GLI2: variants seen among roughly 807,000 people sequenced by gnomAD.
The protein encoded by GLI2 is transcription activator GLI2.
Under a neutral mutation model 78.9 loss-of-function variants are expected in GLI2, and 22 were observed. The observed-to-expected ratio is 0.28, with a 90% CI of 0.20 to 0.40. GLI2 has a LOEUF of 0.40. GLI2 is among the 10% of genes least tolerant of loss of function. GLI2 has a pLI of 1.00. For missense variants in GLI2, 2,097 were observed against 2,213.2 expected (o/e 0.95, Z 1.05); for synonymous variants, 974 against 963.7 (o/e 1.01, Z -0.20).
chr2:120,907,222 G>A (rs140435006), intron 2 of GLI2, among the ~76,000 whole-genome samples: 1 of 152,268 alleles, frequency 6.6e-6, no homozygotes, highest in Admixed American at 6.5e-5. Flanking sequence ...CTTTGTGTGT[G>A]CCTTCTCAGC....
At chr2:120,939,449 G>T (rs1680351493) in intron 3 of GLI2, among the ~76,000 whole-genome samples, 1 of 152,134 alleles carries the variant, frequency 6.6e-6, no homozygotes, top group Non-Finnish European at 1.5e-5. Context: ...CATTCTTTGG[G>T]ATTCAGAGTT....
Position 120,990,221 on chromosome 2 carries a change from C to T in GLI2, c.4256C>T (p.Ala1419Val). The T allele has an allele frequency of 6.2e-7, 1 of 1,613,604 alleles. No individual in the cohort carries two copies. The highest frequency in any genetic ancestry group is 8.5e-7 in the Non-Finnish European group (1 of 1,180,028). ...SVPPQPPPQD[A>V]GGAPDHSMLY... ...CCTCCCCAGCCGCCTCCGCAGGACG[C>T]AGGTGGGGCCCCGGACCACAGCATG... is the stretch of plus-strand genomic sequence containing the variant. The change falls in exon 14 of 14, where the codon GCA becomes GTA. Residue 1419 changes from alanine (A) to valine (V), a missense_variant. Ala to Val is a moderately conservative substitution (Grantham distance 64). Transcript: ENST00000361492.
intron 2 of GLI2, among the ~76,000 whole-genome samples, chr2:120,815,918 G>A (rs1681357942): frequency 6.6e-6 from 1 of 152,202 alleles, no homozygotes; most frequent in African/African-American, 2.4e-5. Context: ...CCACCAGGAT[G>A]GTTAGAGTTC....
chr2:120,902,466 C>T (rs1192407830), intron 2 of GLI2, among the ~76,000 whole-genome samples: 1 of 152,132 alleles, frequency 6.6e-6, no homozygotes, highest in Admixed American at 6.5e-5. Flanking sequence ...TTCAGGAAGG[C>T]TTTGCAGGAG....
At chr2:120,820,403 C>G (rs1685707843) in intron 2 of GLI2, among the ~76,000 whole-genome samples, 1 of 152,208 alleles carries the variant, frequency 6.6e-6, no homozygotes, top group Non-Finnish European at 1.5e-5. Flanking sequence ...GGTTAAATCA[C>G]CAAGCCAGCT....
rs13382973 is a variant in GLI2 at position 120,931,464 on chromosome 2, G to A, written c.254+3998G>A. On this transcript the variant is annotated intron_variant, in intron 3 of 13. Coordinates refer to ENST00000361492, the MANE Select transcript of GLI2 (RefSeq NM_001374353.1). ...AAAGTAGTCATGTCTCTTAAGTCCC[G>A]TTTGCTGTAGAAGGAAACACTTAAC... Among the ~76,000 whole-genome samples the A allele has an allele frequency of 7.1e-3, 1,078 of 152,280 alleles. 10 individuals are homozygous for A. The highest frequency in any genetic ancestry group is 0.024 in the African/African-American group (988 of 41,544).
chr2:120,971,179 C>T (rs1481001878), intron 7 of GLI2, among the ~76,000 whole-genome samples: 1 of 152,234 alleles, frequency 6.6e-6, no homozygotes, highest in African/African-American at 2.4e-5. Flanking sequence ...CTCTTTCCCT[C>T]TCGCAGCCTG....
chr2:120,926,137 A>G (rs1412418332), intron 2 of GLI2, among the ~76,000 whole-genome samples: 2 of 146,046 alleles, frequency 1.4e-5, no homozygotes, highest in East Asian at 4.0e-4. Context: ...TTACTGCAAG[A>G]AAAAAAAAAA....
At chr2:120,921,563 A>C (rs1679381502) in intron 2 of GLI2, among the ~76,000 whole-genome samples, 2 of 152,048 alleles carry the variant, frequency 1.3e-5, no homozygotes, top group South Asian at 4.1e-4. Flanking sequence ...AGCTCCTCTA[A>C]TCCCTGTTGT....
At chr2:120,945,621 T>G (rs571892684) in intron 3 of GLI2, among the ~76,000 whole-genome samples, 1 of 152,252 alleles carries the variant, frequency 6.6e-6, no homozygotes, top group East Asian at 1.9e-4. Context: ...GGGACTCAAG[T>G]CAAGAAACTG....
At chr2:120,974,730 A>C (rs974523105) in intron 8 of GLI2, among the ~76,000 whole-genome samples, 5 of 152,206 alleles carry the variant, frequency 3.3e-5, no homozygotes, top group African/African-American at 1.2e-4. Flanking sequence ...TCTGACAAGG[A>C]GAGCTGTGGG....
intron 2 of GLI2, among the ~76,000 whole-genome samples, chr2:120,865,925 G>A (rs1017185656): frequency 6.6e-6 from 1 of 152,216 alleles, no homozygotes; most frequent in African/African-American, 2.4e-5. Flanking sequence ...GGAAGAGCAG[G>A]CCATTTCCAG....
chr2:120,906,033 G>A (rs1678514217), intron 2 of GLI2, among the ~76,000 whole-genome samples: 1 of 152,228 alleles, frequency 6.6e-6, no homozygotes, highest in Non-Finnish European at 1.5e-5. Flanking sequence ...TCGCCAAGAT[G>A]GCATGCCCTG....
chr2:120,910,637 G>T (rs1420540974), intron 2 of GLI2, among the ~76,000 whole-genome samples: 2 of 152,206 alleles, frequency 1.3e-5, no homozygotes, highest in Non-Finnish European at 2.9e-5. Context: ...TCCCACACGT[G>T]TTGCAGGGGC....
Position 120,964,214 on chromosome 2 carries a change from C to T in GLI2, c.644-4500C>T, listed in dbSNP as rs138619963. Among the ~76,000 whole-genome samples, 32 of 152,292 alleles carry T rather than the reference C, an allele frequency of 2.1e-4. No individual in the cohort carries two copies. In the East Asian group the frequency reaches 4.3e-3, roughly 20 times the overall value. ...AGGCATCCCAAGGGAGGTGATGACT[C>T]GGCTGAGGTCTGAGCAGGCAGAGGA... On this transcript the variant is annotated intron_variant, in intron 5 of 13. Coordinates refer to ENST00000361492, the MANE Select transcript of GLI2 (RefSeq NM_001374353.1).
chr2:120,883,921 C>T (rs1339559247), intron 2 of GLI2, among the ~76,000 whole-genome samples: 1 of 152,216 alleles, frequency 6.6e-6, no homozygotes, highest in Non-Finnish European at 1.5e-5. Context: ...TGTCTGTGCT[C>T]CAGACCCCCG....
intron 1 of GLI2, among the ~76,000 whole-genome samples, chr2:120,755,110 CA>C (rs1683002345): frequency 6.6e-6 from 1 of 152,206 alleles, no homozygotes; most frequent in Admixed American, 6.5e-5. Context: ...CTTGGCCTCC[CA>C]AAGTGCTGGG....
intron 8 of GLI2, 188 bp from the exon 9 acceptor site, chr2:120,974,786 GT>G: frequency 5.2e-6 from 4 of 764,638 alleles, no homozygotes; most frequent in Non-Finnish European, 6.9e-6. Flanking sequence ...ATGAGTGTGT[GT>G]GTGTGTGTGT....
chr2:120,959,414 T>C (rs140866454), intron 5 of GLI2, among the ~76,000 whole-genome samples: 154 of 152,320 alleles, frequency 1.0e-3, no homozygotes, highest in African/African-American at 3.2e-3. Context: ...TCTTTCCCTT[T>C]GTTCCCAGTC....
Sources: allele counts gnomAD v4.1 joint callset (sites outside exome capture counted in the v4.1 genomes callset), GRCh38; gene constraint gnomAD v4.1.1; transcripts MANE v1.5; gene names NCBI Gene and HGNC (gene_info 2026-07-23, HGNC 2026-07-21).